NAV3: variants seen among roughly 807,000 people sequenced by gnomAD.
The protein encoded by NAV3 is neuron navigator 3, also known as pore membrane and/or filament interacting like protein 1.
NAV3 carries 87 observed loss-of-function variants against 244.7 expected under a neutral mutation model. The observed-to-expected ratio is 0.36, with a 90% confidence interval of 0.30 to 0.42. NAV3 has a LOEUF of 0.42. NAV3 is among the 20% of genes least tolerant of loss of function. The pLI is 1.00. For synonymous variants in NAV3, 1,126 were observed against 1,042.2 expected (o/e 1.08, Z -1.55); for missense variants, 2,663 against 2,893.3 (o/e 0.92, Z 1.83).
At chr12:78,058,904 T>C (rs1170263923) in intron 11 of NAV3, 92 bp from the exon 12 acceptor site, 3 of 1,076,890 alleles carry the variant, frequency 2.8e-6, no homozygotes, top group Admixed American at 3.0e-5. Flanking sequence ...TGAGTAATTA[T>C]TGAAAATTGT....
intron 2 of NAV3, among the ~76,000 whole-genome samples, chr12:77,697,955 A>G (rs1251975695): frequency 6.6e-6 from 1 of 152,182 alleles, no homozygotes; most frequent in Admixed American, 6.6e-5. Flanking sequence ...CAGAATCTGT[A>G]AAAGTCACAG....
At chr12:77,653,410 G>C (rs1258516553) in intron 2 of NAV3, among the ~76,000 whole-genome samples, 1 of 152,216 alleles carries the variant, frequency 6.6e-6, no homozygotes, top group Non-Finnish European at 1.5e-5. Flanking sequence ...TATTTGAAAA[G>C]AGGAGGCTGT....
intron 29 of NAV3, among the ~76,000 whole-genome samples, chr12:78,180,609 T>C (rs1958456767): frequency 6.6e-6 from 1 of 152,076 alleles, no homozygotes; most frequent in African/African-American, 2.4e-5. Flanking sequence ...GTCCTCATGA[T>C]TTAGTTAAAA....
intron 9 of NAV3, among the ~76,000 whole-genome samples, chr12:78,023,917 C>T (rs906372971): frequency 2.6e-5 from 4 of 152,104 alleles, no homozygotes; most frequent in African/African-American, 9.7e-5. Flanking sequence ...TTTTGTGTTG[C>T]AGTCCCTCCT....
At chr12:77,720,795 G>A (rs1002271195) in intron 2 of NAV3, among the ~76,000 whole-genome samples, 9 of 152,056 alleles carry the variant, frequency 5.9e-5, no homozygotes, top group Non-Finnish European at 1.2e-4. Context: ...CCTCTTAACT[G>A]GTTTCTGGAT....
At chr12:77,687,591 G>A (rs137870346) in intron 2 of NAV3, among the ~76,000 whole-genome samples, 79 of 152,132 alleles carry the variant, frequency 5.2e-4, no homozygotes, top group Admixed American at 4.8e-3. Context: ...AGTTTTAAAC[G>A]CACTATTGAG....
chr12:78,155,168 T>C (rs1341377554), intron 22 of NAV3, among the ~76,000 whole-genome samples: 1 of 151,920 alleles, frequency 6.6e-6, no homozygotes, highest in Non-Finnish European at 1.5e-5. Flanking sequence ...CCTGATTCTC[T>C]CCCTCCCCTA....
intron 3 of NAV3, among the ~76,000 whole-genome samples, chr12:77,962,529 T>C (rs1429309616): frequency 6.6e-6 from 1 of 152,152 alleles, no homozygotes; most frequent in African/African-American, 2.4e-5. Flanking sequence ...CATCAATTTC[T>C]CTCAGAAAAC....
intron 5 of NAV3, among the ~76,000 whole-genome samples, chr12:77,985,379 A>G (rs576050533): frequency 2.8e-4 from 43 of 152,332 alleles, no homozygotes; most frequent in African/African-American, 9.9e-4. Context: ...TCTATGTGCC[A>G]CTTTGAAAAC....
At chr12:78,083,834 C>T (rs1263847742) in intron 12 of NAV3, among the ~76,000 whole-genome samples, 1 of 152,174 alleles carries the variant, frequency 6.6e-6, no homozygotes, top group African/African-American at 2.4e-5. Flanking sequence ...ATCCTAAATA[C>T]TTGCTGAGTT....
chr12:77,892,457 C>G (rs563380365), intron 1 of NAV3, among the ~76,000 whole-genome samples: 1 of 151,828 alleles, frequency 6.6e-6, no homozygotes, highest in Non-Finnish European at 1.5e-5. Context: ...GCTCTGTCAC[C>G]CATACTGGAG....
At chr12:78,078,881 C>T (rs1420581713) in intron 12 of NAV3, among the ~76,000 whole-genome samples, 1 of 152,134 alleles carries the variant, frequency 6.6e-6, no homozygotes, top group Non-Finnish European at 1.5e-5. Flanking sequence ...AATACTTAAC[C>T]ACTTTAGCAA....
At chr12:77,861,007 C>G (rs554264715) in intron 1 of NAV3, among the ~76,000 whole-genome samples, 5 of 151,978 alleles carry the variant, frequency 3.3e-5, no homozygotes, top group African/African-American at 1.2e-4. Flanking sequence ...AAAAGCATAA[C>G]ATTGCAAAAT....
chr12:78,117,158 C>CTTTTATAT (rs1555292748), intron 13 of NAV3, among the ~76,000 whole-genome samples: 3 of 70,370 alleles, frequency 4.3e-5, no homozygotes, highest in African/African-American at 5.4e-5. Context: ...ACAGAAGCAG[C>CTTTTATAT]ATATATATAT....
rs117256508 is a variant in NAV3, at chr12:77,594,998, G to C, written c.72+22732G>C. On this transcript the variant is annotated intron_variant, in intron 2 of 8. Transcript: ENST00000550042. ...GGCCATTATGGAAAAAAAGTATGGA[G>C]GTTTCTCAAAAAATTAAAAATAGAA... is the stretch of plus-strand genomic sequence containing the variant. 9.4e-3 allele frequency among the ~76,000 whole-genome samples: 1,423 copies of C among 152,148 alleles called. 13 individuals are homozygous for C. Among genetic ancestry groups the C allele is most frequent in the Non-Finnish European group, 0.015 (998 of 67,982 alleles).
chr12:78,016,948 A>G (rs1470099831), intron 8 of NAV3, among the ~76,000 whole-genome samples: 1 of 152,084 alleles, frequency 6.6e-6, no homozygotes, highest in Non-Finnish European at 1.5e-5. Context: ...AGCTAAGGGA[A>G]CCTCAAATGC....
At chr12:78,205,573 G>A (rs1294114318) in intron 39 of NAV3, among the ~76,000 whole-genome samples, 1 of 151,816 alleles carries the variant, frequency 6.6e-6, no homozygotes, top group African/African-American at 2.4e-5. Context: ...TTATAGAATG[G>A]GTCTTCTCTT....
At chr12:77,656,814 C>T (rs560161555) in intron 2 of NAV3, among the ~76,000 whole-genome samples, 28 of 151,976 alleles carry the variant, frequency 1.8e-4, no homozygotes, top group South Asian at 1.0e-3. Flanking sequence ...TCACTCAAAA[C>T]CGCTCAACTA....
intron 17 of NAV3, 37 bp from the exon 18 acceptor site, chr12:78,128,669 A>C: frequency 6.3e-7 from 1 of 1,593,578 alleles, no homozygotes; most frequent in Admixed American, 1.7e-5. Flanking sequence ...TTGCCCTTGT[A>C]GATGTGCTTA....
Sources: gnomAD v4.1 joint callset for allele counts (sites outside exome capture counted in the v4.1 genomes callset) on GRCh38, gnomAD v4.1.1 for gene constraint, MANE v1.5 for transcripts, NCBI Gene and HGNC (gene_info 2026-07-23, HGNC 2026-07-21) for gene names.